The following GXYLT1 variants were observed in gnomAD, a reference collection of about 807,000 sequenced individuals.
The protein encoded by GXYLT1 is glucoside xylosyltransferase 1.
A neutral mutation model predicts 54.0 loss-of-function variants in GXYLT1; 29 were observed. That is an observed-to-expected ratio of 0.54 (90% CI 0.40 to 0.73). GXYLT1 has a LOEUF of 0.73. Ranked by LOEUF, GXYLT1 falls within the 30% of genes least tolerant of loss-of-function variation. GXYLT1 has a pLI of 0.00. For missense variants in GXYLT1, 490 were observed against 553.4 expected (o/e 0.89, Z 1.15); for synonymous variants, 176 against 204.1 (o/e 0.86, Z 1.17).
chr12:42,119,233 C>G (rs899398726), intron 2 of GXYLT1, 62 bp from the exon 3 acceptor site: 28 of 1,332,474 alleles, frequency 2.1e-5, no homozygotes, highest in Admixed American at 1.6e-4. Flanking sequence ...TGTGTACTTT[C>G]ATCATGCTCA....
At chr12:42,128,534 C>A (rs997749014) in intron 2 of GXYLT1, among the ~76,000 whole-genome samples, 2 of 152,106 alleles carry the variant, frequency 1.3e-5, no homozygotes, top group Non-Finnish European at 2.9e-5. Context: ...GATGACTCAT[C>A]ATAGCAACAA....
chr12:42,137,762 G>GGA (rs373214719), intron 1 of GXYLT1, among the ~76,000 whole-genome samples: 1 of 107,180 alleles, frequency 9.3e-6, no homozygotes, highest in Non-Finnish European at 1.7e-5. Flanking sequence ...ATCTCAAATT[G>GGA]AAAAAAAAAA....
intron 2 of GXYLT1, among the ~76,000 whole-genome samples, chr12:42,123,907 T>G (rs1365347073): frequency 6.6e-6 from 1 of 151,172 alleles, no homozygotes; most frequent in Non-Finnish European, 1.5e-5. Context: ...TTTCTCTTAC[T>G]ATTAAAAGAG....
At chr12:42,137,582 CCT>C (rs1351978633) in intron 1 of GXYLT1, among the ~76,000 whole-genome samples, 1 of 149,010 alleles carries the variant, frequency 6.7e-6, no homozygotes, top group African/African-American at 2.5e-5. Context: ...GCGGTGAAAC[CCT>C]GTCTCTACTA....
intron 4 of GXYLT1, among the ~76,000 whole-genome samples, chr12:42,108,864 T>C (rs2065435752): frequency 6.6e-6 from 1 of 152,188 alleles, no homozygotes; most frequent in South Asian, 2.1e-4. Context: ...ATAAGTATTC[T>C]CCATGTATTT....
At chr12:42,102,477 C>A (rs1001005469) in intron 5 of GXYLT1, among the ~76,000 whole-genome samples, 1 of 152,174 alleles carries the variant, frequency 6.6e-6, no homozygotes, top group African/African-American at 2.4e-5. Context: ...ATCTGACTCT[C>A]CTTTGCTAGC....
At position 42,083,978 on chromosome 12, in the gene GXYLT1, T is replaced by TA. The variant is rs112651571; in HGVS notation, c.*3807dup. ...TCCTAGCTCACAAACTGGGATCCACTAAAAAAAAAAGACATAAAATGTTGA... is the reference window on the plus strand; with the variant it reads ...TCCTAGCTCACAAACTGGGATCCACTAAAAAAAAAAAGACATAAAATGTTGA... On this transcript the variant is annotated 3_prime_UTR_variant, in exon 8 of 8. Transcript: ENST00000398675. 10,874 of 147,268 alleles carry TA rather than the reference T, an allele frequency of 0.074. 1,142 individuals carry two copies. Among genetic ancestry groups the TA allele is most frequent in the African/African-American group, 0.24 (9,513 of 40,382 alleles). The allele number at this position is 147,268 out of a possible 1,614,324, so 9.1% of individuals were successfully genotyped here. A position where few individuals can be genotyped will look rare whatever the true frequency, so the allele number is the denominator to read the frequency against.
At chr12:42,091,931 TG>T (rs1251656635) in intron 7 of GXYLT1, among the ~76,000 whole-genome samples, 5 of 152,180 alleles carry the variant, frequency 3.3e-5, no homozygotes, top group Non-Finnish European at 7.3e-5. Flanking sequence ...GACCTCTCCG[TG>T]GATCTTTTCA....
At position 42,144,755 on chromosome 12, in the gene GXYLT1, AGCCGCC is replaced by A; in HGVS notation, c.-115_-110del. The A allele has an allele frequency of 1.3e-6, 1 of 754,252 alleles. No individual in the cohort carries two copies. Among genetic ancestry groups the A allele is most frequent in the Non-Finnish European group, 1.8e-6 (1 of 542,904 alleles). The allele number at this position is 754,252 out of a possible 1,614,324, so 46.7% of individuals were successfully genotyped here. ...CGGGCGCAACAAGTTCCTCACCCGC[AGCCGCC>A]GCCGCCGCCTTGCGCCCGCTCCCTT... On this transcript the variant is annotated 5_prime_UTR_variant, in exon 1 of 8. Transcript: ENST00000398675.
At chr12:42,125,580 G>A (rs1452591636) in intron 2 of GXYLT1, among the ~76,000 whole-genome samples, 1 of 152,160 alleles carries the variant, frequency 6.6e-6, no homozygotes, top group African/African-American at 2.4e-5. Flanking sequence ...TAACAGAGCT[G>A]ACAGAAAAAG....
intron 2 of GXYLT1, among the ~76,000 whole-genome samples, chr12:42,122,621 A>G (rs1221345317): frequency 6.6e-6 from 1 of 152,178 alleles, no homozygotes; most frequent in African/African-American, 2.4e-5. Flanking sequence ...ACATCGTCAA[A>G]AAATGATATT....
At chr12:42,116,188 C>G (rs1346384740) in intron 3 of GXYLT1, among the ~76,000 whole-genome samples, 9 of 151,834 alleles carry the variant, frequency 5.9e-5, no homozygotes, top group Non-Finnish European at 1.3e-4. Context: ...TAGAAGAAAA[C>G]CTAGGCAATA....
At chr12:42,107,774 T>G (rs2065429763) in intron 4 of GXYLT1, among the ~76,000 whole-genome samples, 2 of 152,152 alleles carry the variant, frequency 1.3e-5, no homozygotes, top group African/African-American at 4.8e-5. Flanking sequence ...GTTAGAATTG[T>G]TTTTAATAGC....
chr12:42,097,705 C>T, intron 6 of GXYLT1, 91 bp from the exon 7 acceptor site: 1 of 1,218,076 alleles, frequency 8.2e-7, no homozygotes, highest in Non-Finnish European at 1.2e-6. Context: ...AAATACAGCT[C>T]TTACAAGTAA....
chr12:42,143,914 A>C, intron 1 of GXYLT1, among the ~76,000 whole-genome samples: 1 of 152,180 alleles, frequency 6.6e-6, no homozygotes, highest in Non-Finnish European at 1.5e-5. Flanking sequence ...GCCATTTCCA[A>C]ATTTAACTAA....
At chr12:42,120,368 T>G (rs973890959) in intron 2 of GXYLT1, among the ~76,000 whole-genome samples, 4 of 152,222 alleles carry the variant, frequency 2.6e-5, no homozygotes, top group African/African-American at 9.6e-5. Context: ...ACTTCTGAGA[T>G]GGTCTAAAAC....
intron 2 of GXYLT1, 143 bp downstream of exon 2, chr12:42,129,616 T>C: frequency 1.9e-6 from 1 of 521,486 alleles, no homozygotes; most frequent in Non-Finnish European, 3.3e-6. Context: ...AACTACAAAA[T>C]GGGAAAAATA....
At chr12:42,115,812 G>A (rs2065490675) in intron 3 of GXYLT1, among the ~76,000 whole-genome samples, 1 of 150,742 alleles carries the variant, frequency 6.6e-6, no homozygotes, top group African/African-American at 2.4e-5. Flanking sequence ...AAAAGAGCCT[G>A]CGTCGCCAAG....
At chr12:42,119,247 A>G (rs1409781980) in intron 2 of GXYLT1, 76 bp from the exon 3 acceptor site, 4 of 1,260,510 alleles carry the variant, frequency 3.2e-6, no homozygotes, top group Non-Finnish European at 4.5e-6. Context: ...ATGCTCAAAA[A>G]GTGAAGCTCA....
Sources: allele counts gnomAD v4.1 joint callset (sites outside exome capture counted in the v4.1 genomes callset), GRCh38; gene constraint gnomAD v4.1.1; transcripts MANE v1.5; gene names NCBI Gene and HGNC (gene_info 2026-07-23, HGNC 2026-07-21).